The following DTNBP1 variants were observed in gnomAD, a reference collection of about 807,000 sequenced individuals.
DTNBP1 encodes the protein dysbindin.
DTNBP1 carries 35 observed loss-of-function variants against 42.8 expected under a neutral mutation model. The ratio of observed to expected loss-of-function variants is 0.82; its 90% CI spans 0.63 to 1.09. The LOEUF is 1.09. DTNBP1 is among the 50% of genes least tolerant of loss of function. The pLI, the probability that DTNBP1 is intolerant of heterozygous loss-of-function variation, is 0.00. For synonymous variants in DTNBP1, 171 were observed against 162.2 expected (o/e 1.05, Z -0.41); for missense variants, 457 against 424.2 (o/e 1.08, Z -0.68).
At chr6:15,639,667 T>C (rs1353088698) in intron 3 of DTNBP1, among the ~76,000 whole-genome samples, 1 of 152,216 alleles carries the variant, frequency 6.6e-6, no homozygotes, top group African/African-American at 2.4e-5. Context: ...AACAAGTATT[T>C]ACTAAATGCT....
chr6:15,626,072 G>A (rs2743865), intron 5 of DTNBP1, among the ~76,000 whole-genome samples: 23,477 of 152,148 alleles, frequency 0.15, 2,691 homozygotes, highest in African/African-American at 0.32. Flanking sequence ...GACCTACTGA[G>A]AGCTCCCATC....
intron 6 of DTNBP1, among the ~76,000 whole-genome samples, chr6:15,600,043 AT>A (rs1389551831): frequency 9.9e-4 from 145 of 147,028 alleles, no homozygotes; most frequent in South Asian, 1.1e-3. Flanking sequence ...TAGAAGGTGG[AT>A]TTTTTTTTTT....
chr6:15,546,222 C>T (rs1014547749), intron 7 of DTNBP1, among the ~76,000 whole-genome samples: 4 of 151,956 alleles, frequency 2.6e-5, no homozygotes, highest in East Asian at 1.9e-4. Flanking sequence ...CGTACCACCA[C>T]GCCCAACTAC....
Position 15,522,895 on chromosome 6 carries a change from AC to A in DTNBP1, c.*79del. 1 of 1,612,418 alleles carries A rather than the reference AC, an allele frequency of 6.2e-7. No homozygotes were observed. The highest frequency in any genetic ancestry group is 1.3e-5 in the African/African-American group (1 of 75,028). On this transcript the variant is annotated 3_prime_UTR_variant, in exon 10 of 10. Transcript: ENST00000344537. ...TGTAAAAATCAAGAACCTCTATAAA[AC>A]AACCTGGCTTTCCAGGTGGAATTCC...
At chr6:15,529,165 G>T (rs748960138) in intron 8 of DTNBP1, among the ~76,000 whole-genome samples, 1 of 152,068 alleles carries the variant, frequency 6.6e-6, no homozygotes, top group Non-Finnish European at 1.5e-5. Flanking sequence ...CACACCTGTC[G>T]TCTCAGCTAC....
intron 5 of DTNBP1, among the ~76,000 whole-genome samples, chr6:15,616,307 T>C (rs529843417): frequency 6.6e-6 from 1 of 152,336 alleles, no homozygotes; most frequent in East Asian, 1.9e-4. Flanking sequence ...GCCTCATAAC[T>C]AGTTATCTAT....
intron 1 of DTNBP1, among the ~76,000 whole-genome samples, chr6:15,652,538 CT>C (rs147550085): frequency 0.1 from 15,236 of 146,432 alleles, 833 homozygotes; most frequent in Non-Finnish European, 0.12. Flanking sequence ...AGATAAGCTA[CT>C]TTTTTTTTTT....
chr6:15,606,444 T>G (rs1264833504), intron 6 of DTNBP1, among the ~76,000 whole-genome samples: 1 of 152,184 alleles, frequency 6.6e-6, no homozygotes, highest in Non-Finnish European at 1.5e-5. Context: ...AGCCTTGGAC[T>G]GAAGACTCTG....
intron 7 of DTNBP1, among the ~76,000 whole-genome samples, chr6:15,547,827 G>A (rs570685650): frequency 1.1e-4 from 16 of 152,246 alleles, no homozygotes; most frequent in African/African-American, 3.6e-4. Flanking sequence ...TAACAGAGTG[G>A]GTTCTCATCC....
At chr6:15,606,387 A>T (rs1368465171) in intron 6 of DTNBP1, among the ~76,000 whole-genome samples, 2 of 152,206 alleles carry the variant, frequency 1.3e-5, no homozygotes, top group Non-Finnish European at 2.9e-5. Context: ...TTCCAACTTA[A>T]CATCAAAAAA....
chr6:15,534,292 T>C (rs1290245607), intron 7 of DTNBP1, among the ~76,000 whole-genome samples: 10 of 152,222 alleles, frequency 6.6e-5, no homozygotes, highest in African/African-American at 2.2e-4. Flanking sequence ...ACCACTCAGC[T>C]GGACACTTAT....
At chr6:15,582,240 A>G (rs1057338107) in intron 7 of DTNBP1, among the ~76,000 whole-genome samples, 1 of 152,216 alleles carries the variant, frequency 6.6e-6, no homozygotes, top group Non-Finnish European at 1.5e-5. Flanking sequence ...ACATTTTAGC[A>G]CGTCCCAGGA....
chr6:15,614,878 C>CA (rs1758626703), intron 6 of DTNBP1, among the ~76,000 whole-genome samples: 1 of 152,160 alleles, frequency 6.6e-6, no homozygotes, highest in Admixed American at 6.5e-5. Context: ...GCCCTCCAGC[C>CA]CCTTTCCACA....
At chr6:15,651,565 CAG>C (rs1201824921) in intron 2 of DTNBP1, among the ~76,000 whole-genome samples, 2 of 152,036 alleles carry the variant, frequency 1.3e-5, no homozygotes, top group Non-Finnish European at 2.9e-5. Context: ...CATTTTGCCC[CAG>C]AGATTCTCTT....
intron 4 of DTNBP1, among the ~76,000 whole-genome samples, chr6:15,633,628 T>C (rs184085250): frequency 1.4e-4 from 22 of 152,338 alleles, no homozygotes; most frequent in African/African-American, 5.1e-4. Context: ...GAAGTTCTAC[T>C]ATGGGTAAAA....
At chr6:15,555,638 T>C (rs966535238) in intron 7 of DTNBP1, among the ~76,000 whole-genome samples, 1 of 152,230 alleles carries the variant, frequency 6.6e-6, no homozygotes, top group Non-Finnish European at 1.5e-5. Flanking sequence ...GCTATGGCTA[T>C]GTCCAGAAGT....
chr6:15,615,453 T>C (rs918075513), intron 5 of DTNBP1, 54 bp from the exon 6 acceptor site: 25 of 1,603,944 alleles, frequency 1.6e-5, no homozygotes, highest in Admixed American at 1.5e-4. Flanking sequence ...TCAATCATGA[T>C]GAATACAAAA....
intron 8 of DTNBP1, among the ~76,000 whole-genome samples, chr6:15,525,351 C>A (rs927241026): frequency 6.6e-6 from 1 of 152,228 alleles, no homozygotes; most frequent in Non-Finnish European, 1.5e-5. Context: ...CCACAAGCCA[C>A]GTAAGTTATC....
intron 7 of DTNBP1, among the ~76,000 whole-genome samples, chr6:15,576,926 C>A (rs1293569649): frequency 6.6e-6 from 1 of 152,166 alleles, no homozygotes; most frequent in Non-Finnish European, 1.5e-5. Context: ...ATGCCAATCA[C>A]TATTCTAGGC....
Sources: allele counts gnomAD v4.1 joint callset (sites outside exome capture counted in the v4.1 genomes callset), GRCh38; gene constraint gnomAD v4.1.1; transcripts MANE v1.5; gene names NCBI Gene and HGNC (gene_info 2026-07-23, HGNC 2026-07-21).